Variants in KCNMB2 observed in about 807,000 individuals in gnomAD.
KCNMB2 encodes the protein potassium calcium-activated channel subfamily M regulatory beta subunit 2, also known as calcium-activated potassium channel subunit beta-2.
KCNMB2 carries 9 observed loss-of-function variants against 24.5 expected under a neutral mutation model. The observed-to-expected ratio is 0.37, with a 90% CI of 0.22 to 0.64. The LOEUF is 0.64. KCNMB2 is among the 30% of genes least tolerant of loss of function. The probability of loss-of-function intolerance (pLI) is 0.63; values close to 1 mark genes in which losing one functional copy is unlikely to be tolerated. For missense variants in KCNMB2, 226 were observed against 284.3 expected (o/e 0.79, Z 1.47); for synonymous variants, 109 against 104.4 (o/e 1.04, Z -0.27).
At chr3:178,655,138 C>A (rs139745612) in intron 1 of KCNMB2, among the ~76,000 whole-genome samples, 11,983 of 137,562 alleles carry the variant, frequency 0.087, 445 homozygotes, top group South Asian at 0.19. Context: ...CTCTCTCTCT[C>A]TCTCTATCTC....
At chr3:178,761,970 G>A (rs1174312273) in intron 1 of KCNMB2, among the ~76,000 whole-genome samples, 2 of 152,130 alleles carry the variant, frequency 1.3e-5, no homozygotes, top group African/African-American at 4.8e-5. Context: ...AGGAAATCAA[G>A]ACCATCCTGG....
At chr3:178,714,026 T>A (rs571418003) in intron 1 of KCNMB2, among the ~76,000 whole-genome samples, 1 of 152,288 alleles carries the variant, frequency 6.6e-6, no homozygotes, top group African/African-American at 2.4e-5. Flanking sequence ...AGTTTTTCTG[T>A]TGCCTGTGAA....
At chr3:178,802,696 A>T (rs1713819256) in intron 1 of KCNMB2, among the ~76,000 whole-genome samples, 1 of 152,188 alleles carries the variant, frequency 6.6e-6, no homozygotes, top group African/African-American at 2.4e-5. Flanking sequence ...TCCAGGCACC[A>T]GTATTTTTTA....
chr3:178,750,596 G>C (rs527490020), intron 1 of KCNMB2, among the ~76,000 whole-genome samples: 1 of 152,266 alleles, frequency 6.6e-6, no homozygotes, highest in African/African-American at 2.4e-5. Context: ...GGTAGAAGGA[G>C]TCACTTTGTC....
intron 1 of KCNMB2, among the ~76,000 whole-genome samples, chr3:178,700,565 G>A (rs976583630): frequency 2.6e-5 from 4 of 152,212 alleles, no homozygotes; most frequent in African/African-American, 7.2e-5. Context: ...AAGGTGAAAA[G>A]ATATGCTCTG....
intron 1 of KCNMB2, among the ~76,000 whole-genome samples, chr3:178,559,575 C>A (rs893961020): frequency 6.6e-6 from 1 of 150,612 alleles, no homozygotes; most frequent in Admixed American, 6.6e-5. Flanking sequence ...ATTAATTATC[C>A]AAATATGTAT....
At chr3:178,662,300 C>A (rs1188473112) in intron 1 of KCNMB2, among the ~76,000 whole-genome samples, 1 of 152,108 alleles carries the variant, frequency 6.6e-6, no homozygotes, top group South Asian at 2.1e-4. Flanking sequence ...AAAAACTATT[C>A]AAGGAGCCAT....
At chr3:178,615,636 A>G (rs1023055648) in intron 1 of KCNMB2, among the ~76,000 whole-genome samples, 2 of 152,184 alleles carry the variant, frequency 1.3e-5, no homozygotes, top group Non-Finnish European at 2.9e-5. Context: ...GCTTGCGATG[A>G]GTGCTGCCTG....
rs772576583 is a variant in KCNMB2 at position 178,843,212 on chromosome 3, G to T, written c.*275G>T. ...TCTTCTCTCATTCCGCCAAAACAGG[G>T]CTCAGTTATTCATTTGCCAAGCTTC... is the stretch of plus-strand genomic sequence containing the variant. On this transcript the variant is annotated 3_prime_UTR_variant, in exon 5 of 5. Transcript: ENST00000452583. The T allele has an allele frequency of 1.9e-6, 1 of 530,410 alleles. No homozygotes were observed. Among genetic ancestry groups the T allele is most frequent in the South Asian group, 1.5e-5 (1 of 65,232 alleles). 32.9% of individuals were successfully genotyped at this position (530,410 alleles called of 1,614,324 possible). A position where few individuals can be genotyped will look rare whatever the true frequency, so the allele number is the denominator to read the frequency against.
intron 1 of KCNMB2, among the ~76,000 whole-genome samples, chr3:178,757,674 C>A (rs1400697815): frequency 1.3e-4 from 3 of 23,712 alleles, no homozygotes; most frequent in Non-Finnish European, 2.4e-4. Context: ...GTATATATAT[C>A]CAAGAGGATA....
At chr3:178,765,688 C>CCACACATGTGTGCAT (rs1560012613) in intron 1 of KCNMB2, among the ~76,000 whole-genome samples, 1 of 151,856 alleles carries the variant, frequency 6.6e-6, no homozygotes, top group East Asian at 1.9e-4. Context: ...CATGTGTGCA[C>CCACACATGTGTGCAT]TGGAGGAACA....
rs140093121 is a variant in KCNMB2 at position 178,631,505 on chromosome 3, T to C, written c.-68+94794T>C. 2.2e-3 allele frequency among the ~76,000 whole-genome samples: 333 copies of C among 152,360 alleles called. 1 individual carries two copies. Among genetic ancestry groups the C allele is most frequent in the African/African-American group, 7.6e-3 (316 of 41,578 alleles). Reference sequence around the variant, plus strand: ...ATGCGGCTGGCATTCCTTAATTCCCTTTTGCTGCCCATGGTTAGGCCCAAA... The same window carrying C: ...ATGCGGCTGGCATTCCTTAATTCCCCTTTGCTGCCCATGGTTAGGCCCAAA... On this transcript the variant is annotated intron_variant, in intron 1 of 4. Coordinates refer to ENST00000452583, the MANE Select transcript of KCNMB2 (RefSeq NM_181361.3).
At chr3:178,650,786 T>C (rs1240500029) in intron 1 of KCNMB2, among the ~76,000 whole-genome samples, 2 of 152,252 alleles carry the variant, frequency 1.3e-5, no homozygotes, top group East Asian at 3.9e-4. Context: ...ATCCATCACA[T>C]AAACAGAACC....
intron 1 of KCNMB2, among the ~76,000 whole-genome samples, chr3:178,616,577 T>C (rs1405299068): frequency 6.6e-6 from 1 of 152,200 alleles, no homozygotes; most frequent in East Asian, 1.9e-4. Flanking sequence ...CAGAACTGTT[T>C]TTTTCTTTTC....
intron 1 of KCNMB2, among the ~76,000 whole-genome samples, chr3:178,712,816 A>G (rs1722497759): frequency 6.6e-6 from 1 of 152,216 alleles, no homozygotes. Flanking sequence ...GTGGTATTTT[A>G]TATTATTCAA....
chr3:178,565,009 G>A (rs528358144), intron 1 of KCNMB2, among the ~76,000 whole-genome samples: 34 of 151,742 alleles, frequency 2.2e-4, no homozygotes, highest in African/African-American at 6.5e-4. Context: ...AAATTCATTC[G>A]GAAGAATATT....
chr3:178,768,609 C>A (rs1712220622), intron 1 of KCNMB2, among the ~76,000 whole-genome samples: 1 of 152,128 alleles, frequency 6.6e-6, no homozygotes, highest in Non-Finnish European at 1.5e-5. Flanking sequence ...ATGAAAAGCA[C>A]TGCAGGAGGT....
intron 4 of KCNMB2, among the ~76,000 whole-genome samples, chr3:178,840,985 G>A (rs989752810): frequency 2.6e-5 from 4 of 152,140 alleles, no homozygotes; most frequent in Non-Finnish European, 5.9e-5. Context: ...AAATTTTTAT[G>A]CTTTTAAACA....
chr3:178,827,501 C>T (rs537161836), intron 3 of KCNMB2, among the ~76,000 whole-genome samples: 1 of 152,280 alleles, frequency 6.6e-6, no homozygotes, highest in South Asian at 2.1e-4. Context: ...GAAATTACTA[C>T]CCAACTTGCA....
Sources: allele counts gnomAD v4.1 joint callset (sites outside exome capture counted in the v4.1 genomes callset), GRCh38; gene constraint gnomAD v4.1.1; transcripts MANE v1.5; gene names NCBI Gene and HGNC (gene_info 2026-07-23, HGNC 2026-07-21).